PAPPA: variants seen among roughly 807,000 people sequenced by gnomAD.
PAPPA encodes the protein pappalysin-1.
Under a neutral mutation model 164.0 loss-of-function variants are expected in PAPPA, and 60 were observed. That is an observed-to-expected ratio of 0.37 (90% confidence interval 0.30 to 0.45). The LOEUF is 0.45. Among genes scored for constraint, PAPPA ranks in the 20% least tolerant of loss-of-function variants. PAPPA has a pLI of 1.00. For missense variants in PAPPA, 1,782 were observed against 2,087.3 expected (o/e 0.85, Z 2.85); for synonymous variants, 875 against 814.1 (o/e 1.07, Z -1.27).
rs1025778099 is a variant in PAPPA, at chr9:116,180,840, C to T, written c.416-6314C>T. ...GTGGGGGAGCTTTCAAATTTGAAAT[C>T]AGGAGACTCGAATTCCAGTTTTTCC... On this transcript the variant is annotated intron_variant, in intron 1 of 21. Coordinates refer to ENST00000328252, the MANE Select transcript of PAPPA (RefSeq NM_002581.5). 2.0e-5 allele frequency among the ~76,000 whole-genome samples: 3 copies of T among 152,114 alleles called. No homozygotes were observed. In the East Asian group the frequency reaches 5.8e-4, roughly 29 times the overall value.
intron 6 of PAPPA, among the ~76,000 whole-genome samples, chr9:116,229,660 G>A (rs1365122850): frequency 6.6e-6 from 1 of 152,190 alleles, no homozygotes; most frequent in East Asian, 1.9e-4. Context: ...AAAACCATGT[G>A]CTTTATGAGG....
intron 9 of PAPPA, among the ~76,000 whole-genome samples, chr9:116,289,413 A>G (rs1265703837): frequency 6.8e-6 from 1 of 146,144 alleles, no homozygotes; most frequent in Non-Finnish European, 1.5e-5. Flanking sequence ...TATATAGCAT[A>G]TATATAGCAT....
chr9:116,334,848 T>C lies in PAPPA; in HGVS notation c.3398-13T>C, dbSNP rs2118956293. 1 of 1,608,788 alleles carries C rather than the reference T, an allele frequency of 6.2e-7. No homozygotes were observed. Among genetic ancestry groups the C allele is most frequent in the South Asian group, 1.1e-5 (1 of 90,950 alleles). ...TGAGCCTGGCCCCTCGGCCCCTCTG[T>C]CTCCCCTGACAGGCCTCCATGTCCT... On this transcript the variant is annotated splice_polypyrimidine_tract_variant and intron_variant, in intron 12 of 21. Coordinates refer to ENST00000328252, the MANE Select transcript of PAPPA (RefSeq NM_002581.5).
chr9:116,264,453 C>T (rs899156010), intron 7 of PAPPA, among the ~76,000 whole-genome samples: 2 of 152,164 alleles, frequency 1.3e-5, no homozygotes, highest in Non-Finnish European at 2.9e-5. Context: ...GTAATACATC[C>T]AACATTCTCA....
chr9:116,285,271 G>C (rs1369019642), intron 9 of PAPPA, among the ~76,000 whole-genome samples: 1 of 138,248 alleles, frequency 7.2e-6, no homozygotes, highest in East Asian at 2.4e-4. Flanking sequence ...CTGGGTTCAA[G>C]TGATTCTCCT....
chr9:116,170,165 G>A (rs1353343659), intron 1 of PAPPA, among the ~76,000 whole-genome samples: 1 of 152,078 alleles, frequency 6.6e-6, no homozygotes, highest in East Asian at 1.9e-4. Context: ...TGACTTACAT[G>A]CTGAAAAACT....
At chr9:116,334,259 A>C (rs995434185) in intron 12 of PAPPA, among the ~76,000 whole-genome samples, 1 of 150,998 alleles carries the variant, frequency 6.6e-6, no homozygotes. Context: ...AAAAAAAAAA[A>C]ACAGGGCTCT....
chr9:116,364,024 T>A (rs1846465680), intron 18 of PAPPA, among the ~76,000 whole-genome samples: 1 of 152,230 alleles, frequency 6.6e-6, no homozygotes, highest in Non-Finnish European at 1.5e-5. Context: ...ATTCATGAGA[T>A]GCTGACCAGG....
intron 9 of PAPPA, among the ~76,000 whole-genome samples, chr9:116,288,077 G>C (rs890219393): frequency 8.5e-5 from 13 of 152,286 alleles, no homozygotes; most frequent in Non-Finnish European, 1.8e-4. Context: ...TAACTCTTAA[G>C]ATTTAGGACC....
intron 7 of PAPPA, among the ~76,000 whole-genome samples, chr9:116,240,421 C>T (rs928752480): frequency 5.9e-5 from 9 of 152,064 alleles, no homozygotes; most frequent in South Asian, 2.1e-4. Context: ...ATAAACTCCC[C>T]GAGGGCTAGA....
At chr9:116,243,114 G>A (rs1215460179) in intron 7 of PAPPA, among the ~76,000 whole-genome samples, 1 of 152,104 alleles carries the variant, frequency 6.6e-6, no homozygotes, top group African/African-American at 2.4e-5. Flanking sequence ...GGGTGAAATA[G>A]GAAGTTAAGA....
In PAPPA at chr9:116,263,577, G is replaced by A. The variant is rs138256491; in HGVS notation, c.2733-2280G>A. 4.1e-3 allele frequency among the ~76,000 whole-genome samples: 617 copies of A among 152,182 alleles called. 2 individuals carry two copies. Among genetic ancestry groups the A allele is most frequent in the African/African-American group, 0.014 (577 of 41,530 alleles). On this transcript the variant is annotated intron_variant, in intron 7 of 21. Coordinates refer to ENST00000328252, the MANE Select transcript of PAPPA (RefSeq NM_002581.5). ...ATGGATTAACATTTATTAAATGTTC[G>A]TCATAGGCTGGGCCCATATGTGCTT...
chr9:116,351,910 G>A (rs965553316), intron 15 of PAPPA, among the ~76,000 whole-genome samples: 7 of 152,166 alleles, frequency 4.6e-5, no homozygotes, highest in African/African-American at 1.4e-4. Context: ...GGAGAGTTTG[G>A]TGGAGAAACA....
intron 9 of PAPPA, among the ~76,000 whole-genome samples, chr9:116,302,003 T>G (rs879882616): frequency 6.6e-6 from 1 of 152,198 alleles, no homozygotes; most frequent in South Asian, 2.1e-4. Context: ...AGTTTGCCTC[T>G]GTGAAATTCT....
chr9:116,358,665 T>C (rs1846383913), intron 17 of PAPPA, among the ~76,000 whole-genome samples: 1 of 152,222 alleles, frequency 6.6e-6, no homozygotes, highest in South Asian at 2.1e-4. Context: ...TTTCCGCTAT[T>C]ATTTTGTTTA....
intron 9 of PAPPA, among the ~76,000 whole-genome samples, chr9:116,279,162 G>T (rs1046200078): frequency 1.3e-5 from 2 of 152,128 alleles, no homozygotes; most frequent in African/African-American, 4.8e-5. Context: ...TTAAATCCCA[G>T]GTTGTTATTG....
rs559164342 is a variant in PAPPA at position 116,206,109 on chromosome 9, G to T, written c.1479-1347G>T. 2.0e-5 allele frequency among the ~76,000 whole-genome samples: 3 copies of T among 152,332 alleles called. No individual in the cohort carries two copies. The East Asian group carries it at 5.8e-4, about 29-fold the overall frequency. ...CATGAGATTTCCAGCCTAAGAAGTT[G>T]AATGTGGGTTCTTGGGGAAGAGAAG... On this transcript the variant is annotated intron_variant, in intron 2 of 21. Coordinates refer to ENST00000328252, the MANE Select transcript of PAPPA (RefSeq NM_002581.5).
Position 116,201,165 on chromosome 9 carries a change from C to T in PAPPA, c.1479-6291C>T, listed in dbSNP as rs141976820. On this transcript the variant is annotated intron_variant, in intron 2 of 21. Coordinates refer to ENST00000328252, the MANE Select transcript of PAPPA (RefSeq NM_002581.5). Reference sequence around the variant, plus strand: ...GGCCCTTGGGATAAAGAACAAAATTCAGGTTTTTGTACTGGTCACAGCTTG... The same window carrying T: ...GGCCCTTGGGATAAAGAACAAAATTTAGGTTTTTGTACTGGTCACAGCTTG... 1.7e-3 allele frequency among the ~76,000 whole-genome samples: 258 copies of T among 152,266 alleles called. 3 individuals carry two copies. Among genetic ancestry groups the T allele is most frequent in the African/African-American group, 5.4e-3 (224 of 41,562 alleles).
chr9:116,233,487 T>C lies in PAPPA; in HGVS notation c.2234-1652T>C, dbSNP rs549435475. ...TTACACCCTAAACTAAAGGTTGCTT[T>C]GAGCCAGCAGTTACTGCAAATAATG... On this transcript the variant is annotated intron_variant, in intron 6 of 21. Coordinates refer to ENST00000328252, the MANE Select transcript of PAPPA (RefSeq NM_002581.5). 1.4e-3 allele frequency among the ~76,000 whole-genome samples: 220 copies of C among 152,360 alleles called. 2 individuals carry two copies. Among genetic ancestry groups the C allele is most frequent in the South Asian group, 8.1e-3 (39 of 4,828 alleles).
Sources: allele counts gnomAD v4.1 joint callset (sites outside exome capture counted in the v4.1 genomes callset), GRCh38; gene constraint gnomAD v4.1.1; transcripts MANE v1.5; gene names NCBI Gene and HGNC (gene_info 2026-07-23, HGNC 2026-07-21).